Variants in SULF1 observed in about 807,000 individuals in gnomAD.
SULF1 encodes the protein sulfatase 1.
In SULF1, 46 loss-of-function variants were observed where a neutral mutation model predicts 110.5. The observed-to-expected ratio is 0.42, with a 90% confidence interval of 0.33 to 0.53. The LOEUF (loss-of-function observed/expected upper bound fraction) is 0.53. Ranked by LOEUF, SULF1 falls within the 20% of genes least tolerant of loss-of-function variation. SULF1 has a pLI of 0.12. For synonymous variants in SULF1, 371 were observed against 387.1 expected, an observed-to-expected ratio of 0.96 and a Z score of 0.49; for missense variants, 941 against 1,094.2, an observed-to-expected ratio of 0.86 and a Z score of 1.98.
chr8:69,523,912 G>A (rs1415022308), intron 3 of SULF1, among the ~76,000 whole-genome samples: 1 of 152,078 alleles, frequency 6.6e-6, no homozygotes, highest in Non-Finnish European at 1.5e-5. Flanking sequence ...TTGGGGAGAG[G>A]AGGGGTGATC....
intron 3 of SULF1, among the ~76,000 whole-genome samples, chr8:69,548,833 A>G (rs1396905544): frequency 6.6e-6 from 1 of 151,904 alleles, no homozygotes; most frequent in East Asian, 1.9e-4. Flanking sequence ...CATCTGCAGT[A>G]CTCTTTAAAG....
chr8:69,646,648 C>A (rs1289842038), intron 22 of SULF1, among the ~76,000 whole-genome samples: 3 of 152,070 alleles, frequency 2.0e-5, no homozygotes, highest in Non-Finnish European at 4.4e-5. Flanking sequence ...AAATAACTTT[C>A]CCAAGATTAC....
intron 3 of SULF1, among the ~76,000 whole-genome samples, chr8:69,520,518 A>C (rs1043721868): frequency 2.6e-5 from 4 of 152,238 alleles, no homozygotes; most frequent in African/African-American, 9.6e-5. Context: ...ACTGGTGCAT[A>C]TGAAGAGAAA....
chr8:69,577,512 A>G (rs552706325), intron 6 of SULF1, among the ~76,000 whole-genome samples: 1 of 152,306 alleles, frequency 6.6e-6, no homozygotes, highest in African/African-American at 2.4e-5. Flanking sequence ...TTCACCTCCC[A>G]GGTTCCCTAG....
At chr8:69,654,043 C>T (rs1398556952) in intron 22 of SULF1, among the ~76,000 whole-genome samples, 1 of 152,216 alleles carries the variant, frequency 6.6e-6, no homozygotes, top group Admixed American at 6.5e-5. Flanking sequence ...TTGCCAGCTT[C>T]TGTTGGATCT....
intron 6 of SULF1, among the ~76,000 whole-genome samples, chr8:69,583,481 G>T (rs1806230149): frequency 6.6e-6 from 1 of 151,964 alleles, no homozygotes; most frequent in Non-Finnish European, 1.5e-5. Flanking sequence ...GTCTGAGACA[G>T]GAGAATCGCT....
At position 69,526,122 on chromosome 8, in the gene SULF1, C is replaced by T. The variant is rs976478995; in HGVS notation, c.-134+24154C>T. 2.6e-5 allele frequency among the ~76,000 whole-genome samples: 4 copies of T among 152,032 alleles called. No individual in the cohort carries two copies. In the South Asian group the frequency reaches 6.2e-4, roughly 24 times the overall value. On this transcript the variant is annotated intron_variant, in intron 3 of 22. Coordinates refer to ENST00000402687, the MANE Select transcript of SULF1 (RefSeq NM_001128205.2). ...AATATAAATTGCTCATAACCAAATA[C>T]CTGGCTTCTGCAAGACCGTGCCAGC...
chr8:69,620,530 G>A (rs942751640), intron 13 of SULF1, among the ~76,000 whole-genome samples: 18 of 152,228 alleles, frequency 1.2e-4, no homozygotes, highest in African/African-American at 4.3e-4. Context: ...TGGGGTATAT[G>A]AGAGTTGGCT....
chr8:69,525,919 G>A (rs1678308611), intron 3 of SULF1, among the ~76,000 whole-genome samples: 2 of 152,172 alleles, frequency 1.3e-5, no homozygotes, highest in Admixed American at 1.3e-4. Context: ...TTGGAGGAGG[G>A]ATGAAGCGTC....
Position 69,574,061 on chromosome 8 carries a change from C to T in SULF1, c.173-1909C>T, listed in dbSNP as rs141756062. 2.9e-3 allele frequency among the ~76,000 whole-genome samples: 435 copies of T among 152,262 alleles called. 2 individuals carry two copies. The highest frequency in any genetic ancestry group is 7.9e-3 in the South Asian group (38 of 4,824). The stretch of plus-strand genomic sequence containing the variant: ...CCTTCGTGGACCAGCAGCAGTGTGC[C>T]CTCCTCAATCCACACACCACCATTG... On this transcript the variant is annotated intron_variant, in intron 5 of 22. Coordinates refer to ENST00000402687, the MANE Select transcript of SULF1 (RefSeq NM_001128205.2).
In SULF1 at chr8:69,506,110, C is replaced by T. The variant is rs78343452; in HGVS notation, c.-134+4142C>T. Among the ~76,000 whole-genome samples the T allele has an allele frequency of 5.5e-4, 83 of 152,224 alleles. No individual in the cohort carries two copies. In the East Asian group the frequency reaches 9.7e-3, roughly 18 times the overall value. ...GTTTTCACCTACCTTTGTGTCAAAA[C>T]GGTTCATACAATTTCTGCATTGTCT... On this transcript the variant is annotated intron_variant, in intron 3 of 22. Transcript: ENST00000402687.
chr8:69,639,005 T>C (rs1275781376), intron 21 of SULF1, 147 bp downstream of exon 21: 3 of 856,518 alleles, frequency 3.5e-6, no homozygotes, highest in Non-Finnish European at 5.3e-6. Flanking sequence ...TAAATACAAT[T>C]TGATCTCTAA....
chr8:69,624,239 T>A, intron 15 of SULF1, 42 bp downstream of exon 15: 3 of 1,531,090 alleles, frequency 2.0e-6, no homozygotes, highest in Middle Eastern at 1.8e-4. Context: ...AGTTCAGAAT[T>A]ACCACCACAA....
chr8:69,482,555 A>G (rs1809553970), intron 1 of SULF1, among the ~76,000 whole-genome samples: 1 of 151,832 alleles, frequency 6.6e-6, no homozygotes, highest in African/African-American at 2.4e-5. Context: ...ATATATATAT[A>G]TATAATTTTA....
intron 5 of SULF1, among the ~76,000 whole-genome samples, chr8:69,573,465 G>T (rs184743181): frequency 6.6e-6 from 1 of 152,116 alleles, no homozygotes; most frequent in Non-Finnish European, 1.5e-5. Context: ...ACAGTGCTGC[G>T]ATTCAGAACC....
chr8:69,482,522 A>G (rs1479604564), intron 1 of SULF1, among the ~76,000 whole-genome samples: 1 of 152,072 alleles, frequency 6.6e-6, no homozygotes, highest in Non-Finnish European at 1.5e-5. Context: ...TGTGCAGTTT[A>G]CTGTCAATAG....
Position 69,601,824 on chromosome 8 carries a change from A to T in SULF1, c.1056A>T (p.Gly352=), listed in dbSNP as rs779602596. 3 of 1,608,282 alleles carry T rather than the reference A, an allele frequency of 1.9e-6. No individual in the cohort carries two copies. Among genetic ancestry groups the T allele is most frequent in the African/African-American group, 2.7e-5 (2 of 74,680 alleles). The change falls in exon 10 of 23, where the codon GGA becomes GGT. Residue 352 remains glycine (G), a synonymous_variant. Transcript: ENST00000402687. ...TTCGTGGTCCAAGTGTAGAACCAGG[A>T]TCAATGTACGTATTTCTCTGTTTGC... ...FFIRGPSVEP[G]SIVPQIVLNI...
chr8:69,566,181 C>T (rs566132524), intron 5 of SULF1, among the ~76,000 whole-genome samples: 352 of 152,176 alleles, frequency 2.3e-3, no homozygotes, highest in African/African-American at 8.2e-3. Flanking sequence ...TCATGCACTC[C>T]TAGTGCCTGG....
chr8:69,622,109 A>G lies in SULF1; in HGVS notation c.1594+858A>G, dbSNP rs139056412. Among the ~76,000 whole-genome samples the G allele has an allele frequency of 3.1e-4, 47 of 152,374 alleles. 1 individual carries two copies. The East Asian group carries it at 8.5e-3, about 27-fold the overall frequency. ...GGGCCATGCCCTGATATTTCATCCA[A>G]AATTGTTGTGTTTTCCATGTGTATA... On this transcript the variant is annotated intron_variant, in intron 14 of 22. Coordinates refer to ENST00000402687, the MANE Select transcript of SULF1 (RefSeq NM_001128205.2).
Sources: allele counts gnomAD v4.1 joint callset (sites outside exome capture counted in the v4.1 genomes callset), GRCh38; gene constraint gnomAD v4.1.1; transcripts MANE v1.5; gene names NCBI Gene and HGNC (gene_info 2026-07-23, HGNC 2026-07-21).